Variants in ARK2C observed in about 807,000 individuals in gnomAD.
ARK2C encodes E3 ubiquitin-protein ligase ARK2C.
the ARK2C span, among the ~76,000 whole-genome samples, chr18:46,426,141 G>T: frequency 2.6e-5 from 4 of 152,100 alleles, no homozygotes; most frequent in Non-Finnish European, 4.4e-5. Context: ...CCAACATTCA[G>T]ACCACAGCAC....
At chr18:46,344,022 T>C in the ARK2C span, among the ~76,000 whole-genome samples, 1 of 152,210 alleles carries the variant, frequency 6.6e-6, no homozygotes, top group Admixed American at 6.5e-5. Flanking sequence ...GAAACATGCC[T>C]GGGTGTGCCG....
At chr18:46,413,661 A>G in the ARK2C span, among the ~76,000 whole-genome samples, 1 of 152,080 alleles carries the variant, frequency 6.6e-6, no homozygotes. Flanking sequence ...AAGGGGTGGG[A>G]GATGAGAAAG....
chr18:46,459,913 T>G, the ARK2C span: 1 of 152,324 alleles, frequency 6.6e-6, no homozygotes, highest in East Asian at 1.9e-4. Flanking sequence ...AGCCCCAGGG[T>G]TTAAGTTGGG....
At chr18:46,431,188 C>A in the ARK2C span, among the ~76,000 whole-genome samples, 44 of 152,252 alleles carry the variant, frequency 2.9e-4, no homozygotes, top group African/African-American at 9.9e-4. Flanking sequence ...ATGATGGTTT[C>A]CAGTTTCATC....
chr18:46,424,989 GC>G, the ARK2C span, among the ~76,000 whole-genome samples: 1 of 152,220 alleles, frequency 6.6e-6, no homozygotes, highest in Non-Finnish European at 1.5e-5. Flanking sequence ...AGCCTCTCCA[GC>G]CCTGTGGCCG....
chr18:46,425,205 C>T, the ARK2C span, among the ~76,000 whole-genome samples: 1 of 152,280 alleles, frequency 6.6e-6, no homozygotes, highest in Non-Finnish European at 1.5e-5. Context: ...GAGGCGGGAA[C>T]TCGGGCTTCC....
chr18:46,357,723 G>T, the ARK2C span, among the ~76,000 whole-genome samples: 1 of 152,242 alleles, frequency 6.6e-6, no homozygotes, highest in Non-Finnish European at 1.5e-5. Context: ...AATTGCCTCC[G>T]ATGAGGGGTC....
chr18:46,403,448 T>C, the ARK2C span, among the ~76,000 whole-genome samples: 1 of 152,298 alleles, frequency 6.6e-6, no homozygotes, highest in South Asian at 2.1e-4. Context: ...CTCACCTAAG[T>C]GTAGTATCCA....
chr18:46,415,543 T>TA, the ARK2C span, among the ~76,000 whole-genome samples: 1 of 150,970 alleles, frequency 6.6e-6, no homozygotes, highest in African/African-American at 2.4e-5. Flanking sequence ...ATAAAAAAAA[T>TA]AAAAAAATAA....
the ARK2C span, chr18:46,336,362 C>A: frequency 2.1e-5 from 21 of 980,212 alleles, no homozygotes; most frequent in South Asian, 4.7e-5. Flanking sequence ...TTTAATACTA[C>A]CTTCTCCCTC....
the ARK2C span, among the ~76,000 whole-genome samples, chr18:46,383,647 A>C: frequency 1.4e-5 from 2 of 141,588 alleles, no homozygotes; most frequent in East Asian, 2.1e-4. Context: ...CTCTGCCTCC[A>C]GGGTTCATGC....
chr18:46,456,471 T>A, the ARK2C span: 1 of 1,344,982 alleles, frequency 7.4e-7, no homozygotes, highest in South Asian at 1.2e-5. Flanking sequence ...CTCCGCTCAG[T>A]GTCCCTCAGC....
the ARK2C span, among the ~76,000 whole-genome samples, chr18:46,383,604 G>C: frequency 1.4e-5 from 2 of 141,734 alleles, no homozygotes; most frequent in East Asian, 4.2e-4. Context: ...ACCCAGATTG[G>C]AGTACAGTGG....
the ARK2C span, chr18:46,462,638 G>A: frequency 6.6e-6 from 1 of 152,536 alleles, no homozygotes; most frequent in Non-Finnish European, 1.5e-5. Context: ...ACACTGGAGG[G>A]AGCACGACCA....
the ARK2C span, among the ~76,000 whole-genome samples, chr18:46,356,931 G>A: frequency 1.3e-5 from 2 of 152,170 alleles, no homozygotes; most frequent in African/African-American, 2.4e-5. Context: ...GGAAAGGCGT[G>A]ATCTGTGCCC....
the ARK2C span, among the ~76,000 whole-genome samples, chr18:46,375,053 T>G: frequency 1.3e-5 from 2 of 152,126 alleles, no homozygotes; most frequent in African/African-American, 4.8e-5. Context: ...AAGCATGCTT[T>G]GCCGGAGGAT....
At chr18:46,412,303 T>C in the ARK2C span, among the ~76,000 whole-genome samples, 5 of 152,246 alleles carry the variant, frequency 3.3e-5, no homozygotes, top group East Asian at 1.9e-4. Flanking sequence ...GGTTGCCCAG[T>C]TGGCCAGAAG....
At chr18:46,391,728 C>T in the ARK2C span, among the ~76,000 whole-genome samples, 1 of 151,830 alleles carries the variant, frequency 6.6e-6, no homozygotes, top group African/African-American at 2.4e-5. Flanking sequence ...TCTGTTCACT[C>T]ACCCTTCCCA....
chr18:46,401,620 A>C, the ARK2C span, among the ~76,000 whole-genome samples: 2 of 151,956 alleles, frequency 1.3e-5, no homozygotes, highest in Non-Finnish European at 2.9e-5. Flanking sequence ...ACTGGGTCTC[A>C]CTCCCTCCTG....
Sources: gnomAD v4.1 joint callset for allele counts (sites outside exome capture counted in the v4.1 genomes callset) on GRCh38, gnomAD v4.1.1 for gene constraint, MANE v1.5 for transcripts, NCBI Gene and HGNC (gene_info 2026-07-23, HGNC 2026-07-21) for gene names.